Variants in ENOSF1 observed in about 807,000 individuals in gnomAD.
ENOSF1 encodes mitochondrial enolase superfamily member 1.
Under a neutral mutation model 68.2 loss-of-function variants are expected in ENOSF1, and 73 were observed. The observed-to-expected ratio is 1.07, with a 90% CI of 0.89 to 1.30. The LOEUF is 1.30. ENOSF1 is among the 50% of genes most tolerant of loss of function. ENOSF1 has a pLI of 0.00. For missense variants in ENOSF1, 589 were observed against 554.5 expected (o/e 1.06, Z -0.62); for synonymous variants, 223 against 210.4 (o/e 1.06, Z -0.52).
In ENOSF1 at chr18:677,793, C is replaced by T. The variant is rs865889270; in HGVS notation, c.998G>A (p.Gly333Asp). The T allele has an allele frequency of 3.1e-6, 5 of 1,614,118 alleles. No homozygotes were observed. In the African/African-American group the frequency reaches 4.0e-5, roughly 13 times the overall value. The change falls in exon 13 of 16, where the codon GGC (glycine) becomes GAC (aspartate). Residue 333 changes from glycine to aspartate, a missense_variant. Coordinates refer to ENST00000647584, the MANE Select transcript of ENOSF1 (RefSeq NM_017512.7). The part of the protein sequence containing the change: ...QFLQIDSCRL[G>D]SVNENLSVLL... ...TACTGAGAGGTTCTCATTGACACTG[C>T]CCAGTCTGCAACTGTCAATCTGGAG... is the stretch of plus-strand genomic sequence containing the variant.
At chr18:683,039 C>A in intron 11 of ENOSF1, 1 of 576,716 alleles carries the variant, frequency 1.7e-6, no homozygotes, top group East Asian at 3.1e-5. Context: ...CTAAAACAAA[C>A]AGAAATAAGG....
downstream of ENOSF1, chr18:669,426 G>A (rs1475321706): frequency 2.9e-6 from 1 of 340,416 alleles, no homozygotes; most frequent in Non-Finnish European, 5.4e-6. Context: ...AGGCTGGAAT[G>A]CAACGGCGTG....
At chr18:709,306 G>A (rs887426386) in intron 1 of ENOSF1, among the ~76,000 whole-genome samples, 8 of 152,062 alleles carry the variant, frequency 5.3e-5, no homozygotes, top group Non-Finnish European at 8.8e-5. Flanking sequence ...AGGGAAGAAG[G>A]GGCCAGTGGA....
intron 10 of ENOSF1, 115 bp from the exon 11 acceptor site, chr18:683,495 C>A (rs2076308592): frequency 2.7e-5 from 33 of 1,241,162 alleles, no homozygotes; most frequent in Middle Eastern, 2.8e-4. Context: ...GAGTGAGACC[C>A]CCTAACGCCT....
chr18:667,545 G>A (rs2074878042), downstream of ENOSF1, among the ~76,000 whole-genome samples: 1 of 90,630 alleles, frequency 1.1e-5, no homozygotes, highest in Non-Finnish European at 2.0e-5. Context: ...TGATGGTGAT[G>A]GTGATGGAGA....
intron 2 of ENOSF1, among the ~76,000 whole-genome samples, chr18:701,683 G>A (rs2078358992): frequency 6.6e-6 from 1 of 151,352 alleles, no homozygotes; most frequent in Non-Finnish European, 1.5e-5. Flanking sequence ...CGTGAACCCA[G>A]GAAGCAGAGC....
chr18:697,786 G>GTT (rs1025247850), intron 2 of ENOSF1, among the ~76,000 whole-genome samples: 1 of 151,988 alleles, frequency 6.6e-6, no homozygotes, highest in Non-Finnish European at 1.5e-5. Context: ...CATCAAATAT[G>GTT]TTTTCTTTTC....
intron 3 of ENOSF1, among the ~76,000 whole-genome samples, chr18:696,233 A>G (rs1357839650): frequency 8.9e-6 from 1 of 111,842 alleles, no homozygotes. Flanking sequence ...TTGTTTTGAG[A>G]CAGAGTCTCA....
chr18:666,949 GGT>G (rs1347861486), downstream of ENOSF1, among the ~76,000 whole-genome samples: 3 of 32,112 alleles, frequency 9.3e-5, 1 homozygote, highest in East Asian at 2.0e-3. Context: ...AGATGGTGAT[GGT>G]GATGGAGATG....
downstream of ENOSF1, among the ~76,000 whole-genome samples, chr18:670,045 A>ATT (rs34118802): frequency 7.2e-6 from 1 of 138,568 alleles, no homozygotes. Flanking sequence ...ATAGAGACTT[A>ATT]TTTTTTTTTT....
intron 2 of ENOSF1, among the ~76,000 whole-genome samples, chr18:704,623 T>G (rs934059593): frequency 4.0e-5 from 6 of 149,576 alleles, no homozygotes; most frequent in Middle Eastern, 3.2e-3. Context: ...TTTTTTTTTT[T>G]GGGATGGAGT....
Position 697,284 on chromosome 18 carries a change from T to C in ENOSF1, c.265A>G (p.Arg89Gly). 6.2e-7 allele frequency: 1 copy of C among 1,613,982 alleles called. No individual in the cohort carries two copies. Among genetic ancestry groups the C allele is most frequent in the Non-Finnish European group, 8.5e-7 (1 of 1,179,906 alleles). The part of the protein sequence containing the change: ...KDLKDIVGDF[R>G]GFYRQLTSDG... ...CTTGTGAGCTGCCTATAGAAGCCTC[T>C]GAAGTCACCAACAATGTCCTTGAGG... Residue 89 changes from arginine (R) to glycine (G), a missense_variant, in exon 3 of 16, where the codon AGA becomes GGA. Coordinates refer to ENST00000647584, the MANE Select transcript of ENOSF1 (RefSeq NM_017512.7).
chr18:671,320 AATG>A lies in ENOSF1; in HGVS notation c.*2982_*2984del. The A allele has an allele frequency of 9.0e-7, 1 of 1,105,058 alleles. No individual in the cohort carries two copies. The highest frequency in any genetic ancestry group is 1.4e-6 in the Non-Finnish European group (1 of 717,636). 68.5% of individuals were successfully genotyped at this position (1,105,058 alleles called of 1,614,324 possible). A position where few individuals can be genotyped will look rare whatever the true frequency, so the allele number is the denominator to read the frequency against. On this transcript the variant is annotated 3_prime_UTR_variant, in exon 16 of 16. Transcript: ENST00000647584. ...GTGTCTGCATATTCTAATGTTTTTAAATGATGTTTTAAAGAATTGAAACTAACA... is the reference window on the plus strand; with the variant it reads ...GTGTCTGCATATTCTAATGTTTTTAAATGTTTTAAAGAATTGAAACTAACA...
chr18:706,780 G>T, intron 1 of ENOSF1: 1 of 343,550 alleles, frequency 2.9e-6, no homozygotes, highest in Non-Finnish European at 5.3e-6. Flanking sequence ...GATCCAAAAT[G>T]TTTCAACAAG....
At chr18:710,650 G>A (rs1323732206) in intron 1 of ENOSF1, among the ~76,000 whole-genome samples, 1 of 152,238 alleles carries the variant, frequency 6.6e-6, no homozygotes, top group Non-Finnish European at 1.5e-5. Flanking sequence ...AGGATTAGAG[G>A]TGTGAGCCCT....
At chr18:694,205 T>C (rs766736094) in intron 4 of ENOSF1, 43 bp downstream of exon 4, 4 of 1,579,796 alleles carry the variant, frequency 2.5e-6, no homozygotes, top group Non-Finnish European at 3.5e-6. Context: ...GTCAGTGTCG[T>C]ACAGCTCCCA....
At chr18:681,962 G>A (rs3786355) in intron 11 of ENOSF1, among the ~76,000 whole-genome samples, 51,444 of 151,966 alleles carry the variant, frequency 0.34, 8,985 homozygotes, top group Middle Eastern at 0.47. Context: ...CCTCCAGTAC[G>A]ACCCATGAAT....
intron 2 of ENOSF1, among the ~76,000 whole-genome samples, chr18:702,983 T>C (rs2078528143): frequency 6.6e-6 from 1 of 152,158 alleles, no homozygotes; most frequent in East Asian, 1.9e-4. Context: ...AGAACCAGGA[T>C]GAGCTAATGG....
chr18:679,030 C>T lies in ENOSF1; in HGVS notation c.877-293G>A, dbSNP rs113954947. Among the ~76,000 whole-genome samples the T allele has an allele frequency of 2.0e-4, 31 of 152,260 alleles. 1 individual carries two copies. Among genetic ancestry groups the T allele is most frequent in the African/African-American group, 7.2e-4 (30 of 41,554 alleles). Reference sequence around the variant, plus strand: ...CATGCTCCAGCTGCGCTCCTCCCAACGTGGACAGCACCTCCCTCTCCAGCC... The same window carrying T: ...CATGCTCCAGCTGCGCTCCTCCCAATGTGGACAGCACCTCCCTCTCCAGCC... On this transcript the variant is annotated intron_variant, in intron 11 of 15. Transcript: ENST00000647584.
Sources: allele counts gnomAD v4.1 joint callset (sites outside exome capture counted in the v4.1 genomes callset), GRCh38; gene constraint gnomAD v4.1.1; transcripts MANE v1.5; gene names NCBI Gene and HGNC (gene_info 2026-07-23, HGNC 2026-07-21).